The following MYD88 variants were observed in gnomAD, a reference collection of about 807,000 sequenced individuals.
MYD88 encodes the protein MYD88 innate immune signal transduction adaptor.
In MYD88, 15 loss-of-function variants were observed where a neutral mutation model predicts 31.1. The ratio of observed to expected loss-of-function variants is 0.48; its 90% CI spans 0.32 to 0.74. The LOEUF (loss-of-function observed/expected upper bound fraction) is 0.74, where lower values mean the gene tolerates loss of function less well. Among genes scored for constraint, MYD88 ranks in the 30% least tolerant of loss-of-function variants. The probability of loss-of-function intolerance (pLI) is 0.03; values close to 1 mark genes in which losing one functional copy is unlikely to be tolerated. For missense variants in MYD88, 308 were observed against 387.4 expected (o/e 0.79, Z 1.72); for synonymous variants, 157 against 158.8 (o/e 0.99, Z 0.08).
chr3:38,138,743 T>C lies in MYD88; in HGVS notation c.43T>C (p.Ser15Pro). The change falls in exon 1 of 5, where the codon TCC becomes CCC. Residue 15 changes from serine (S) to proline (P), a missense_variant. Physicochemically the swap from Ser to Pro is moderately conservative, Grantham distance 74 (BLOSUM62 -1). Transcript: ENST00000650905. The surrounding 1 kb of genome is among the most constrained non-coding windows in gnomAD (Gnocchi z 6.4). The part of the protein sequence containing the change: ...GPGAGSAAPV[S>P]STSSLPLAAL... Reference sequence around the variant, plus strand: ...CGGCGCGGGGTCTGCGGCCCCGGTCTCCTCCACATCCTCCCTTCCCCTGGC... The same window carrying C: ...CGGCGCGGGGTCTGCGGCCCCGGTCCCCTCCACATCCTCCCTTCCCCTGGC... 1 of 1,610,256 alleles carries C rather than the reference T, an allele frequency of 6.2e-7. No individual in the cohort carries two copies. The highest frequency in any genetic ancestry group is 8.5e-7 in the Non-Finnish European group (1 of 1,178,062).
At chr3:38,141,100 C>A (rs761665622) in intron 4 of MYD88, 32 bp from the exon 5 acceptor site, 1 of 1,614,044 alleles carries the variant, frequency 6.2e-7, no homozygotes, top group African/African-American at 1.3e-5. Context: ...GGGCAAGGGC[C>A]TGATGCCAGC....
rs1700985540 is a variant in MYD88, at chr3:38,138,709, A to G, written c.9A>G (p.Ala3=). The G allele has an allele frequency of 6.2e-7, 1 of 1,603,748 alleles. No homozygotes were observed. The highest frequency in any genetic ancestry group is 8.5e-7 in the Non-Finnish European group (1 of 1,173,822). Reference sequence around the variant, plus strand: ...CTCCAGGACCGCCCGCCATGGCTGCAGGAGGTCCCGGCGCGGGGTCTGCGG... The same window carrying G: ...CTCCAGGACCGCCCGCCATGGCTGCGGGAGGTCCCGGCGCGGGGTCTGCGG... MA[A]GGPGAGSAAP... Residue 3 remains alanine, a synonymous_variant, in exon 1 of 5, where the codon GCA becomes GCG. Transcript: ENST00000650905. The surrounding 1 kb of genome is among the most constrained non-coding windows in gnomAD (Gnocchi z 6.4).
Position 38,139,456 on chromosome 3 carries a change from C to T in MYD88, c.329-408C>T. On this transcript the variant is annotated intron_variant, in intron 1 of 4. Transcript: ENST00000650905. This position sits in a 1 kb window ranked among gnomAD's most constrained non-coding sequence, Gnocchi z 4.7. ...TACATGCATAGGCGTTGGATACAGC[C>T]GCCCACAGACAGGCACACCTTGCTG... The T allele has an allele frequency of 5.1e-6, 2 of 394,658 alleles. No individual in the cohort carries two copies. Among genetic ancestry groups the T allele is most frequent in the Non-Finnish European group, 9.5e-6 (2 of 209,572 alleles). The allele number at this position is 394,658 out of a possible 1,614,324, so 24.4% of individuals were successfully genotyped here.
Position 38,142,063 on chromosome 3 carries a change from T to C in MYD88, c.*777T>C, listed in dbSNP as rs768311163. The C allele has an allele frequency of 1.7e-5, 4 of 235,096 alleles. No homozygotes were observed. Among genetic ancestry groups the C allele is most frequent in the Non-Finnish European group, 3.4e-5 (4 of 119,348 alleles). The allele number at this position is 235,096 out of a possible 1,614,324, so 14.6% of individuals were successfully genotyped here. On this transcript the variant is annotated 3_prime_UTR_variant, in exon 5 of 5. Coordinates refer to ENST00000650905, the MANE Select transcript of MYD88 (RefSeq NM_002468.5). ...CTGTGGTCATGCTCTCAGCTCCACC[T>C]GGCATGAGAAGGGATCCTGGCCTCT...
rs2125780946 is a variant in MYD88, at chr3:38,141,329, G to A, written c.*43G>A. The A allele has an allele frequency of 6.2e-7, 1 of 1,612,382 alleles. No individual in the cohort carries two copies. The highest frequency in any genetic ancestry group is 8.5e-7 in the Non-Finnish European group (1 of 1,178,378). On this transcript the variant is annotated 3_prime_UTR_variant, in exon 5 of 5. Coordinates refer to ENST00000650905, the MANE Select transcript of MYD88 (RefSeq NM_002468.5). ...TGGGTGTGTGTGTATCTGTCTGCCT[G>A]TCCATGTACTTCTGCCCTGCCTCCT...
rs2125776152 is a variant in MYD88 at position 38,139,007 on chromosome 3, C to A, written c.307C>A (p.Leu103Met). 1 of 1,605,408 alleles carries A rather than the reference C, an allele frequency of 6.2e-7. No individual in the cohort carries two copies. Among genetic ancestry groups the A allele is most frequent in the South Asian group, 1.1e-5 (1 of 91,060 alleles). ...LTKLGRDDVLLELGPSIEEDC... is the reference protein window; with the variant it reads ...LTKLGRDDVLMELGPSIEEDC... ...CAAGCTGGGCCGCGACGACGTGCTG[C>A]TGGAGCTGGGACCCAGCATTGGTGA... The change falls in exon 1 of 5, where the codon CTG becomes ATG. Residue 103 changes from leucine to methionine, a missense_variant. Transcript: ENST00000650905. This position sits in a 1 kb window ranked among gnomAD's most constrained non-coding sequence, Gnocchi z 4.7.
chr3:38,140,075 G>T, intron 2 of MYD88, 77 bp downstream of exon 2: 1 of 1,563,852 alleles, frequency 6.4e-7, no homozygotes. Context: ...GTTTGAAGCA[G>T]ATGGGCTGTG....
In MYD88 at chr3:38,139,107, A is replaced by G. The variant is rs535749071; in HGVS notation, c.328+79A>G. 94 of 1,503,358 alleles carry G rather than the reference A, an allele frequency of 6.3e-5. No individual in the cohort carries two copies. The highest frequency in any genetic ancestry group is 8.3e-5 in the Non-Finnish European group (94 of 1,127,698). 93.1% of individuals were successfully genotyped at this position (1,503,358 alleles called of 1,614,324 possible). The stretch of plus-strand genomic sequence containing the variant: ...CCGCGGCCTCAGCATCCTGTCTCCC[A>G]TGGAGAGACCCCATTTCCTGCCTCG... On this transcript the variant is annotated intron_variant, in intron 1 of 4. Transcript: ENST00000650905. This position sits in a 1 kb window ranked among gnomAD's most constrained non-coding sequence, Gnocchi z 4.7.
In MYD88 at chr3:38,141,843, C is replaced by T. The variant is rs1701088275; in HGVS notation, c.*557C>T. On this transcript the variant is annotated 3_prime_UTR_variant, in exon 5 of 5. Transcript: ENST00000650905. ...ACACCGCCCATTCCACTTCCTCCTT[C>T]CCCACAGGGCAGGTGGGGAAGCAGT... 1 of 268,528 alleles carries T rather than the reference C, an allele frequency of 3.7e-6. No homozygotes were observed. The highest frequency in any genetic ancestry group is 2.1e-5 in the African/African-American group (1 of 46,816). 16.6% of individuals were successfully genotyped at this position (268,528 alleles called of 1,614,324 possible). A position where few individuals can be genotyped will look rare whatever the true frequency, so the allele number is the denominator to read the frequency against.
At position 38,140,784 on chromosome 3, in the gene MYD88, T is replaced by C. The variant is rs2125779539; in HGVS notation, c.672T>C (p.Ser224=). The change falls in exon 4 of 5, where the codon TCT becomes TCC. Residue 224 remains serine (S), a synonymous_variant. Coordinates refer to ENST00000650905, the MANE Select transcript of MYD88 (RefSeq NM_002468.5). ...KRCRRMVVVV[S]DDYLQSKECD... ...GCCGCCGGATGGTGGTGGTTGTCTC[T>C]GATGATTACCTGCAGAGCAAGGAAT... 1.2e-6 allele frequency: 2 copies of C among 1,614,180 alleles called. No homozygotes were observed. Among genetic ancestry groups the C allele is most frequent in the Non-Finnish European group, 1.7e-6 (2 of 1,180,030 alleles).
At chr3:38,140,911 C>T (rs2125779961) in intron 4 of MYD88, 63 bp downstream of exon 4, 2 of 1,516,436 alleles carry the variant, frequency 1.3e-6, no homozygotes, top group Admixed American at 1.7e-5. Flanking sequence ...TCTGGATTGT[C>T]AGCCTTCCCT....
chr3:38,140,813 A>C lies in MYD88; in HGVS notation c.701A>C (p.Asp234Ala), dbSNP rs2125779636. 6.2e-7 allele frequency: 1 copy of C among 1,614,140 alleles called. No homozygotes were observed. The highest frequency in any genetic ancestry group is 8.5e-7 in the Non-Finnish European group (1 of 1,180,024). ...SDDYLQSKEC[D>A]FQTKFALSLS... ...GATTACCTGCAGAGCAAGGAATGTG[A>C]CTTCCAGACCAAATTTGCACTCAGC... The change falls in exon 4 of 5, where the codon GAC becomes GCC. Residue 234 changes from aspartate to alanine, a missense_variant. Coordinates refer to ENST00000650905, the MANE Select transcript of MYD88 (RefSeq NM_002468.5).
Position 38,141,430 on chromosome 3 carries a change from C to T in MYD88, c.*144C>T. 6.4e-6 allele frequency: 7 copies of T among 1,098,960 alleles called. No homozygotes were observed. Among genetic ancestry groups the T allele is most frequent in the Admixed American group, 3.6e-5 (2 of 55,672 alleles). 68.1% of individuals were successfully genotyped at this position (1,098,960 alleles called of 1,614,324 possible). ...GATGCCAACTTCACAGACACGTCTG[C>T]AGCAGCTGGACATCACATTTCATGT... is the stretch of plus-strand genomic sequence containing the variant. On this transcript the variant is annotated 3_prime_UTR_variant, in exon 5 of 5. Transcript: ENST00000650905.
At chr3:38,140,242 C>T (rs771318463) in intron 2 of MYD88, 146 bp from the exon 3 acceptor site, 31 of 1,046,806 alleles carry the variant, frequency 3.0e-5, no homozygotes, top group Non-Finnish European at 4.0e-5. Context: ...CTCATCTTTC[C>T]TCTCCTGGAA....
In MYD88 at chr3:38,139,445, T is replaced by C; in HGVS notation, c.328+417T>C. The stretch of plus-strand genomic sequence containing the variant: ...CTTACATAATATACATGCATAGGCG[T>C]TGGATACAGCCGCCCACAGACAGGC... On this transcript the variant is annotated intron_variant, in intron 1 of 4. Transcript: ENST00000650905. The surrounding 1 kb of genome is among the most constrained non-coding windows in gnomAD (Gnocchi z 4.7). 2.5e-6 allele frequency: 1 copy of C among 395,668 alleles called. No individual in the cohort carries two copies. Among genetic ancestry groups the C allele is most frequent in the East Asian group, 5.4e-5 (1 of 18,542 alleles). The allele number at this position is 395,668 out of a possible 1,614,324, so 24.5% of individuals were successfully genotyped here.
rs902320302 is a variant in MYD88 at position 38,141,641 on chromosome 3, G to A, written c.*355G>A. On this transcript the variant is annotated 3_prime_UTR_variant, in exon 5 of 5. Coordinates refer to ENST00000650905, the MANE Select transcript of MYD88 (RefSeq NM_002468.5). ...GGGATGGGGAGAACAGAGAGTAGCTGTGTTTGAATCCCTGTAGGAAATGGT... is the reference window on the plus strand; with the variant it reads ...GGGATGGGGAGAACAGAGAGTAGCTATGTTTGAATCCCTGTAGGAAATGGT... 6.7e-6 allele frequency: 3 copies of A among 446,686 alleles called. No individual in the cohort carries two copies. Among genetic ancestry groups the A allele is most frequent in the South Asian group, 4.3e-5 (2 of 46,260 alleles). 27.7% of individuals were successfully genotyped at this position (446,686 alleles called of 1,614,324 possible).
Position 38,140,095 on chromosome 3 carries a change from G to A in MYD88, c.463+97G>A, listed in dbSNP as rs1359277657. ...AAGCAGATGGGCTGTGAGACCTTGG[G>A]CAAGTCACTTAATCTTTCTGAGCCT... is the stretch of plus-strand genomic sequence containing the variant. On this transcript the variant is annotated intron_variant, in intron 2 of 4. Transcript: ENST00000650905. The A allele has an allele frequency of 4.1e-6, 6 of 1,473,892 alleles. No individual in the cohort carries two copies. The Admixed American group carries it at 1.2e-4, about 28-fold the overall frequency. 91.3% of individuals were successfully genotyped at this position (1,473,892 alleles called of 1,614,324 possible).
Position 38,139,675 on chromosome 3 carries a change from C to G in MYD88, c.329-189C>G. The G allele has an allele frequency of 1.4e-6, 1 of 692,966 alleles. No individual in the cohort carries two copies. Among genetic ancestry groups the G allele is most frequent in the Non-Finnish European group, 2.5e-6 (1 of 400,916 alleles). 42.9% of individuals were successfully genotyped at this position (692,966 alleles called of 1,614,324 possible). A position where few individuals can be genotyped will look rare whatever the true frequency, so the allele number is the denominator to read the frequency against. On this transcript the variant is annotated intron_variant, in intron 1 of 4. Coordinates refer to ENST00000650905, the MANE Select transcript of MYD88 (RefSeq NM_002468.5). This position sits in a 1 kb window ranked among gnomAD's most constrained non-coding sequence, Gnocchi z 4.7. ...GAAAGCCAGAACACCACTGACATCC[C>G]TTTGGGTCAGTTAGAGCCAGTGGGA... is the stretch of plus-strand genomic sequence containing the variant.
In MYD88 at chr3:38,139,845, C is replaced by T. The variant is rs202195913; in HGVS notation, c.329-19C>T. 3.1e-6 allele frequency: 5 copies of T among 1,612,122 alleles called. No homozygotes were observed. The East Asian group carries it at 8.9e-5, about 29-fold the overall frequency. ...AGGCACTCCCAGGGAGGCTGCTTTA[C>T]TCTGTCTCTTCCCCACAGAGGAGGA... On this transcript the variant is annotated intron_variant, in intron 1 of 4. Transcript: ENST00000650905. This position sits in a 1 kb window ranked among gnomAD's most constrained non-coding sequence, Gnocchi z 4.7.
Sources: gnomAD v4.1 joint callset for allele counts on GRCh38, gnomAD v4.1.1 for gene constraint, Gnocchi (gnomAD v3.1) non-coding constraint, MANE v1.5 for transcripts, NCBI Gene and HGNC (gene_info 2026-07-23, HGNC 2026-07-21) for gene names.